Variants in ROR1 observed in about 807,000 individuals in gnomAD.
The protein encoded by ROR1 is ROR family WNT receptor 1.
In ROR1, 19 loss-of-function variants were observed where a neutral mutation model predicts 78.8. The ratio of observed to expected loss-of-function variants is 0.24; its 90% CI spans 0.17 to 0.35. The LOEUF is 0.35. Ranked by LOEUF, ROR1 falls within the 10% of genes least tolerant of loss-of-function variation. ROR1 has a pLI of 1.00. For missense variants in ROR1, 917 were observed against 1,177.8 expected (o/e 0.78, Z 3.24); for synonymous variants, 386 against 433.6 (o/e 0.89, Z 1.36).
intron 2 of ROR1, among the ~76,000 whole-genome samples, chr1:64,030,910 G>C (rs2100568960): frequency 6.6e-6 from 1 of 152,180 alleles, no homozygotes; most frequent in African/African-American, 2.4e-5. Context: ...TGTGTGTTTT[G>C]AGACAGGATC....
intron 1 of ROR1, among the ~76,000 whole-genome samples, chr1:63,931,525 A>G (rs1319995128): frequency 1.3e-5 from 2 of 152,184 alleles, no homozygotes; most frequent in Non-Finnish European, 2.9e-5. Context: ...GTCCAAAAAT[A>G]TTAAATGGAA....
chr1:63,806,092 C>T (rs1644826824), intron 1 of ROR1, among the ~76,000 whole-genome samples: 1 of 152,148 alleles, frequency 6.6e-6, no homozygotes, highest in Non-Finnish European at 1.5e-5. Flanking sequence ...ATAATGAGCA[C>T]ATTAAAGTTT....
intron 5 of ROR1, among the ~76,000 whole-genome samples, chr1:64,139,164 CAAAAAAAAAAAAAA>C (rs755368714): frequency 9.7e-5 from 2 of 20,660 alleles, no homozygotes; most frequent in African/African-American, 3.0e-4. Context: ...GAGACTGTCT[CAAAAAAAAAAAAAA>C]AAAAAAAAAA....
intron 1 of ROR1, among the ~76,000 whole-genome samples, chr1:64,003,690 A>ACCT (rs10668178): frequency 0.73 from 111,222 of 151,810 alleles, 42,013 homozygotes; most frequent in East Asian, 0.94. Context: ...AGGTTGACTG[A>ACCT]CCTTGCACTA....
rs111692943 is a variant in ROR1, at chr1:64,004,465, C to G, written c.92-4840C>G. Reference sequence around the variant, plus strand: ...TATGTCTTGGGCCTTGAGGGCCCACCCAGTTATAACATTCTAGGACTCAGT... The same window carrying G: ...TATGTCTTGGGCCTTGAGGGCCCACGCAGTTATAACATTCTAGGACTCAGT... On this transcript the variant is annotated intron_variant, in intron 1 of 8. Coordinates refer to ENST00000371079, the MANE Select transcript of ROR1 (RefSeq NM_005012.4). Among the ~76,000 whole-genome samples the G allele has an allele frequency of 1.8e-3, 275 of 152,284 alleles. 1 individual carries two copies. Among genetic ancestry groups the G allele is most frequent in the Middle Eastern group, 0.01 (3 of 294 alleles).
intron 4 of ROR1, among the ~76,000 whole-genome samples, chr1:64,076,149 G>A (rs1647048894): frequency 6.6e-6 from 1 of 152,122 alleles, no homozygotes; most frequent in Admixed American, 6.6e-5. Context: ...GAGTAGCAAG[G>A]AATCTGCAAA....
intron 1 of ROR1, among the ~76,000 whole-genome samples, chr1:63,854,847 T>G (rs1173532327): frequency 1.3e-5 from 2 of 152,232 alleles, no homozygotes; most frequent in Non-Finnish European, 2.9e-5. Flanking sequence ...GTCTCTGATA[T>G]AAAATGGCAT....
chr1:63,847,097 G>A (rs1645086272), intron 1 of ROR1, among the ~76,000 whole-genome samples: 1 of 152,196 alleles, frequency 6.6e-6, no homozygotes, highest in South Asian at 2.1e-4. Context: ...CTTCTCCACA[G>A]TGGTAGGAGT....
At chr1:63,833,230 G>A (rs1644999340) in intron 1 of ROR1, among the ~76,000 whole-genome samples, 1 of 152,166 alleles carries the variant, frequency 6.6e-6, no homozygotes, top group South Asian at 2.1e-4. Context: ...TACAATTGTG[G>A]GTTGGGGCAG....
intron 1 of ROR1, among the ~76,000 whole-genome samples, chr1:63,813,106 A>G (rs1394638990): frequency 2.0e-5 from 3 of 152,178 alleles, no homozygotes; most frequent in African/African-American, 7.2e-5. Context: ...TAAACCATTT[A>G]TGTGATTTAG....
chr1:64,139,103 G>T lies in ROR1; in HGVS notation c.611-1006G>T, dbSNP rs183917054. ...AATCCCTTGAAACTGGAAGGCAGAAGTTGCACTGAGCTGAGAGCGTAACCC... is the reference window on the plus strand; with the variant it reads ...AATCCCTTGAAACTGGAAGGCAGAATTTGCACTGAGCTGAGAGCGTAACCC... On this transcript the variant is annotated intron_variant, in intron 5 of 8. Transcript: ENST00000371079. 1.9e-3 allele frequency among the ~76,000 whole-genome samples: 273 copies of T among 142,624 alleles called. 1 individual carries two copies. Among genetic ancestry groups the T allele is most frequent in the African/African-American group, 6.8e-3 (258 of 37,936 alleles). 93.6% of individuals were successfully genotyped at this position (142,624 alleles called of 152,430 possible).
At chr1:64,160,558 T>A (rs1649909502) in intron 8 of ROR1, among the ~76,000 whole-genome samples, 1 of 152,188 alleles carries the variant, frequency 6.6e-6, no homozygotes, top group Non-Finnish European at 1.5e-5. Context: ...GATTCAACTC[T>A]TTTGACATCC....
chr1:63,916,973 G>A (rs1156744494), intron 1 of ROR1, among the ~76,000 whole-genome samples: 1 of 152,168 alleles, frequency 6.6e-6, no homozygotes, highest in Non-Finnish European at 1.5e-5. Context: ...CAGCCTCAGG[G>A]CCTTTGCTGT....
At chr1:64,061,801 T>C (rs994960735) in intron 4 of ROR1, among the ~76,000 whole-genome samples, 1 of 152,090 alleles carries the variant, frequency 6.6e-6, no homozygotes, top group Non-Finnish European at 1.5e-5. Flanking sequence ...TCTTTTATGA[T>C]TTTTTTTCTA....
chr1:64,171,283 G>C (rs1412609310), intron 8 of ROR1: 1 of 158,166 alleles, frequency 6.3e-6, no homozygotes, highest in Non-Finnish European at 1.4e-5. Context: ...TACGTGGATG[G>C]CAGCAGGCAC....
At chr1:63,944,270 T>C (rs6669510) in intron 1 of ROR1, among the ~76,000 whole-genome samples, 3,552 of 152,184 alleles carry the variant, frequency 0.023, 148 homozygotes, top group African/African-American at 0.081. Context: ...AGATTTCCCA[T>C]TAAAAGGAAA....
chr1:63,936,172 C>T (rs1645793033), intron 1 of ROR1, among the ~76,000 whole-genome samples: 1 of 152,190 alleles, frequency 6.6e-6, no homozygotes, highest in Non-Finnish European at 1.5e-5. Context: ...CTATGAAGAA[C>T]TCTACTATTG....
intron 1 of ROR1, among the ~76,000 whole-genome samples, chr1:63,923,877 G>A (rs1035422074): frequency 6.6e-6 from 1 of 151,604 alleles, no homozygotes; most frequent in African/African-American, 2.4e-5. Flanking sequence ...CGGTCATGAC[G>A]GCCTTCTTTT....
At chr1:63,891,611 A>G (rs1292264512) in intron 1 of ROR1, among the ~76,000 whole-genome samples, 1 of 152,154 alleles carries the variant, frequency 6.6e-6, no homozygotes, top group Non-Finnish European at 1.5e-5. Flanking sequence ...TAGCATTTGA[A>G]TCAGTAGACT....
Sources: gnomAD v4.1 joint callset for allele counts (sites outside exome capture counted in the v4.1 genomes callset) on GRCh38, gnomAD v4.1.1 for gene constraint, MANE v1.5 for transcripts, NCBI Gene and HGNC (gene_info 2026-07-23, HGNC 2026-07-21) for gene names.